Variants in HOATZ observed in about 807,000 individuals in gnomAD.
The protein encoded by HOATZ is cilia- and flagella-associated protein HOATZ.
Under a neutral mutation model 24.9 loss-of-function variants are expected in HOATZ, and 26 were observed. The observed-to-expected ratio is 1.04, with a 90% CI of 0.76 to 1.45. The LOEUF is 1.45. HOATZ is among the 40% of genes most tolerant of loss of function. HOATZ has a pLI of 0.00. For missense variants in HOATZ, 226 were observed against 201.5 expected (o/e 1.12, Z -0.74); for synonymous variants, 83 against 76.6 (o/e 1.08, Z -0.43).
At chr11:111,533,044 A>C (rs967221095) in intron 3 of HOATZ, among the ~76,000 whole-genome samples, 1 of 152,214 alleles carries the variant, frequency 6.6e-6, no homozygotes, top group African/African-American at 2.4e-5. Flanking sequence ...GCACTAAGTT[A>C]GTTTTTTGCA....
At position 111,533,793 on chromosome 11, in the gene HOATZ, A is replaced by C; in HGVS notation, c.387A>C (p.Glu129Asp). The change falls in exon 4 of 6, where the codon GAA becomes GAC. Residue 129 changes from glutamate (E) to aspartate (D), a missense_variant. By Grantham distance (45) the Glu-to-Asp change is conservative. Coordinates refer to ENST00000375618, the MANE Select transcript of HOATZ (RefSeq NM_001100388.2). Reference sequence around the variant, plus strand: ...TCCAACTCTTAAGAAAACAAAGAGAAGAAAGGATCTCGGTGAGACCAATAG... The same window carrying C: ...TCCAACTCTTAAGAAAACAAAGAGACGAAAGGATCTCGGTGAGACCAATAG... Reference protein sequence around the residue: ...EILQLLRKQREERISKELISL... With the variant: ...EILQLLRKQRDERISKELISL... The C allele has an allele frequency of 6.3e-7, 1 of 1,575,598 alleles. No homozygotes were observed. Among genetic ancestry groups the C allele is most frequent in the Non-Finnish European group, 8.6e-7 (1 of 1,169,114 alleles).
At position 111,514,844 on chromosome 11, in the gene HOATZ, C is replaced by G. The variant is rs750581951; in HGVS notation, c.60C>G (p.Pro20=). Reference sequence around the variant, plus strand: ...GAAAAGAGTCCCAGGAAATGTGCCCCCCGGGATTACTGGTATTTGCTGGCT... The same window carrying G: ...GAAAAGAGTCCCAGGAAATGTGCCCGCCGGGATTACTGGTATTTGCTGGCT... ...SGRKESQEMC[P]PGLLVFAGSS... Residue 20 remains proline, a synonymous_variant, in exon 1 of 6, where the codon CCC becomes CCG. Transcript: ENST00000375618. The G allele has an allele frequency of 1.2e-6, 2 of 1,614,142 alleles. No individual in the cohort carries two copies. Among genetic ancestry groups the G allele is most frequent in the South Asian group, 2.2e-5 (2 of 91,080 alleles).
chr11:111,534,558 T>C lies in HOATZ; in HGVS notation c.452+94T>C, dbSNP rs1358208245. 3 of 1,010,058 alleles carry C rather than the reference T, an allele frequency of 3.0e-6. No individual in the cohort carries two copies. In the African/African-American group the frequency reaches 4.8e-5, roughly 16 times the overall value. The allele number at this position is 1,010,058 out of a possible 1,614,324, so 62.6% of individuals were successfully genotyped here. On this transcript the variant is annotated intron_variant, in intron 5 of 5. Transcript: ENST00000375618. ...TCTTACTTTGCCACTTACCCTTAAA[T>C]CTTCTAGAAACCCACCCGTGTATTA... is the stretch of plus-strand genomic sequence containing the variant.
chr11:111,532,340 A>G (rs1867402851), intron 3 of HOATZ, among the ~76,000 whole-genome samples: 4 of 152,220 alleles, frequency 2.6e-5, no homozygotes. Context: ...TCTAACCAGC[A>G]GTACCTCAGA....
Position 111,520,836 on chromosome 11 carries a change from C to T in HOATZ, c.339+4726C>T, listed in dbSNP as rs201288068. ...ACATGCCTGTTAGTGACTTAGTAGCCGAGAGAGAGATCGCATTCACATAAC... is the reference window on the plus strand; with the variant it reads ...ACATGCCTGTTAGTGACTTAGTAGCTGAGAGAGAGATCGCATTCACATAAC... On this transcript the variant is annotated intron_variant, in intron 3 of 5. Coordinates refer to ENST00000375618, the MANE Select transcript of HOATZ (RefSeq NM_001100388.2). 1.3e-4 allele frequency among the ~76,000 whole-genome samples: 20 copies of T among 152,162 alleles called. 1 individual carries two copies. The highest frequency in any genetic ancestry group is 7.7e-4 in the East Asian group (4 of 5,188).
chr11:111,533,501 C>A (rs1867415606), intron 3 of HOATZ, among the ~76,000 whole-genome samples: 1 of 151,784 alleles, frequency 6.6e-6, no homozygotes, highest in African/African-American at 2.4e-5. Flanking sequence ...TTATGTAAAG[C>A]AGCATTTTAT....
chr11:111,522,314 T>C (rs1867278804), intron 3 of HOATZ, among the ~76,000 whole-genome samples: 1 of 152,246 alleles, frequency 6.6e-6, no homozygotes, highest in Non-Finnish European at 1.5e-5. Context: ...TCCAGTTACA[T>C]GAATCCTTAT....
At chr11:111,536,501 A>G (rs922924677) in intron 5 of HOATZ, 10 of 287,866 alleles carry the variant, frequency 3.5e-5, no homozygotes, top group African/African-American at 1.5e-4. Context: ...AAAGAAATCA[A>G]TTACCAATGA....
intron 3 of HOATZ, among the ~76,000 whole-genome samples, chr11:111,520,297 T>C (rs1867254729): frequency 6.6e-6 from 1 of 152,204 alleles, no homozygotes; most frequent in African/African-American, 2.4e-5. Flanking sequence ...AAATAATTCA[T>C]TTGCTGGGAG....
rs745563956 is a variant in HOATZ at position 111,514,818 on chromosome 11, C to T, written c.34C>T (p.Arg12Ter). 2.5e-6 allele frequency: 4 copies of T among 1,613,868 alleles called. No homozygotes were observed. Among genetic ancestry groups the T allele is most frequent in the Admixed American group, 1.7e-5 (1 of 59,994 alleles). Residue 12 changes from arginine to a stop codon, truncating the protein, a stop_gained, in exon 1 of 6, where the codon CGA becomes TGA. Transcript: ENST00000375618. LOFTEE classifies it high-confidence loss of function. ...GGGACCCAGCGAAGAACCTAGCGGCCGAAAAGAGTCCCAGGAAATGTGCCC... is the reference window on the plus strand; with the variant it reads ...GGGACCCAGCGAAGAACCTAGCGGCTGAAAAGAGTCCCAGGAAATGTGCCC... ...ETGPSEEPSGRKESQEMCPPG... is the reference protein window; with the variant it reads ...ETGPSEEPSG
At chr11:111,533,174 T>C (rs1295347162) in intron 3 of HOATZ, among the ~76,000 whole-genome samples, 1 of 152,230 alleles carries the variant, frequency 6.6e-6, no homozygotes, top group Non-Finnish European at 1.5e-5. Flanking sequence ...TTGCTAATCC[T>C]GCTTCTTGCC....
At chr11:111,532,828 T>A (rs1295412314) in intron 3 of HOATZ, among the ~76,000 whole-genome samples, 2 of 152,190 alleles carry the variant, frequency 1.3e-5, no homozygotes. Context: ...CTAAAGAGAA[T>A]TTATGTGATT....
At chr11:111,519,566 G>A (rs150006929) in intron 3 of HOATZ, among the ~76,000 whole-genome samples, 1 of 152,208 alleles carries the variant, frequency 6.6e-6, no homozygotes, top group Non-Finnish European at 1.5e-5. Context: ...TCTGGTTTTG[G>A]ATACCACTTT....
Position 111,522,499 on chromosome 11 carries a change from T to C in HOATZ, c.339+6389T>C, listed in dbSNP as rs562046862. 7.2e-5 allele frequency among the ~76,000 whole-genome samples: 11 copies of C among 152,346 alleles called. No homozygotes were observed. In the South Asian group the frequency reaches 1.5e-3, roughly 20 times the overall value. Reference sequence around the variant, plus strand: ...TATCTAACGCAAGATGAAAACGTTCTTAGGCAATTATATCAGAGCCAGATA... The same window carrying C: ...TATCTAACGCAAGATGAAAACGTTCCTAGGCAATTATATCAGAGCCAGATA... On this transcript the variant is annotated intron_variant, in intron 3 of 5. Transcript: ENST00000375618.
intron 1 of HOATZ, 47 bp from the exon 2 acceptor site, chr11:111,515,464 T>C: frequency 6.6e-7 from 1 of 1,520,662 alleles, no homozygotes; most frequent in Admixed American, 1.7e-5. Context: ...CCTTTAATGT[T>C]GTTGACTTTT....
At position 111,536,921 on chromosome 11, in the gene HOATZ, T is replaced by C; in HGVS notation, c.*94T>C. 1.1e-6 allele frequency: 1 copy of C among 948,064 alleles called. No homozygotes were observed. Among genetic ancestry groups the C allele is most frequent in the Non-Finnish European group, 1.7e-6 (1 of 587,942 alleles). 58.7% of individuals were successfully genotyped at this position (948,064 alleles called of 1,614,324 possible). ...AGGATCATTGAGATCACTGGCAACA[T>C]TATAGTAGACAAAGAAATACAAGTT... is the stretch of plus-strand genomic sequence containing the variant. On this transcript the variant is annotated 3_prime_UTR_variant, in exon 6 of 6. Coordinates refer to ENST00000375618, the MANE Select transcript of HOATZ (RefSeq NM_001100388.2).
chr11:111,533,679 C>A, intron 3 of HOATZ, 67 bp from the exon 4 acceptor site: 2 of 1,089,450 alleles, frequency 1.8e-6, no homozygotes, highest in South Asian at 1.4e-5. Flanking sequence ...TGGAAGAATT[C>A]TACCTTTCGT....
rs766087131 is a variant in HOATZ at position 111,533,753 on chromosome 11, CAA to C, written c.348_349del (p.Glu118ArgfsTer24). 1 of 1,586,428 alleles carries C rather than the reference CAA, an allele frequency of 6.3e-7. No homozygotes were observed. Among genetic ancestry groups the C allele is most frequent in the Non-Finnish European group, 8.5e-7 (1 of 1,171,570 alleles). ...TTTTCTTTCTTTAAACAGGCTAAAA[CAA>C]GAGAAGAGATTCTCCAACTCTTAAG... On this transcript the variant is annotated frameshift_variant, in exon 4 of 6. Transcript: ENST00000375618. LOFTEE classifies it high-confidence loss of function.
At chr11:111,516,937 A>G (rs1867212245) in intron 3 of HOATZ, among the ~76,000 whole-genome samples, 1 of 152,206 alleles carries the variant, frequency 6.6e-6, no homozygotes, top group African/African-American at 2.4e-5. Flanking sequence ...CTCAGCAATT[A>G]ATACAGTGAT....
Sources: gnomAD v4.1 joint callset for allele counts (sites outside exome capture counted in the v4.1 genomes callset) on GRCh38, gnomAD v4.1.1 for gene constraint, MANE v1.5 for transcripts, NCBI Gene and HGNC (gene_info 2026-07-23, HGNC 2026-07-21) for gene names.